Variants in UHRF2 observed in about 807,000 individuals in gnomAD.
The protein encoded by UHRF2 is ubiquitin like with PHD and ring finger domains 2.
Under a neutral mutation model 96.8 loss-of-function variants are expected in UHRF2, and 23 were observed. The observed-to-expected ratio is 0.24, with a 90% CI of 0.17 to 0.34. UHRF2 has a LOEUF of 0.34. Ranked by LOEUF, UHRF2 falls within the 10% of genes least tolerant of loss-of-function variation. The probability of loss-of-function intolerance (pLI) is 1.00; values close to 1 mark genes in which losing one functional copy is unlikely to be tolerated. For synonymous variants in UHRF2, 385 were observed against 332.6 expected (o/e 1.16, Z -1.72); for missense variants, 685 against 981.5 (o/e 0.70, Z 4.04).
At chr9:6,469,837 A>G (rs1382726009) in intron 4 of UHRF2, among the ~76,000 whole-genome samples, 2 of 151,702 alleles carry the variant, frequency 1.3e-5, no homozygotes, top group African/African-American at 4.8e-5. Context: ...AGAAGAGAGT[A>G]GAGTGAAAAC....
At chr9:6,495,173 C>G (rs1824890751) in intron 10 of UHRF2, 1 of 152,156 alleles carries the variant, frequency 6.6e-6, no homozygotes, top group Non-Finnish European at 1.5e-5. Context: ...TTCATAACTA[C>G]CCACCATTGT....
At chr9:6,440,419 G>C (rs7033940) in intron 3 of UHRF2, among the ~76,000 whole-genome samples, 28,414 of 152,092 alleles carry the variant, frequency 0.19, 3,189 homozygotes, top group African/African-American at 0.3. Flanking sequence ...TAAACTGTCT[G>C]ACTCAAGAGC....
intron 9 of UHRF2, among the ~76,000 whole-genome samples, chr9:6,488,504 C>A (rs1039691689): frequency 6.7e-6 from 1 of 149,664 alleles, no homozygotes; most frequent in Admixed American, 6.7e-5. Flanking sequence ...TGCTTCTTAA[C>A]CTCTGACAAC....
chr9:6,421,268 A>G (rs1439774198), intron 2 of UHRF2, 126 bp downstream of exon 2: 19 of 746,074 alleles, frequency 2.5e-5, no homozygotes, highest in Admixed American at 1.5e-4. Context: ...TAATATCATA[A>G]CTTTTAAAAG....
In UHRF2 at chr9:6,491,379, G is replaced by A. The variant is rs1413050651; in HGVS notation, c.1498-2447G>A. ...TAAATGAATTAATTATACGTAAAAT[G>A]CTTCTCCTAACACCACCTAACCCAC... On this transcript the variant is annotated intron_variant, in intron 9 of 15. Coordinates refer to ENST00000276893, the MANE Select transcript of UHRF2 (RefSeq NM_152896.3). Among the ~76,000 whole-genome samples the A allele has an allele frequency of 2.6e-5, 4 of 152,186 alleles. No homozygotes were observed. The East Asian group carries it at 7.7e-4, about 29-fold the overall frequency.
intron 3 of UHRF2, among the ~76,000 whole-genome samples, chr9:6,454,968 C>T (rs1239345691): frequency 3.3e-5 from 5 of 152,104 alleles, no homozygotes; most frequent in African/African-American, 9.7e-5. Flanking sequence ...ATTTGGATTT[C>T]CAGATGATGT....
Position 6,467,291 on chromosome 9 carries a change from G to T in UHRF2, c.863+6500G>T, listed in dbSNP as rs543512020. Among the ~76,000 whole-genome samples, 6 of 152,174 alleles carry T rather than the reference G, an allele frequency of 3.9e-5. No individual in the cohort carries two copies. In the East Asian group the frequency reaches 1.2e-3, roughly 29 times the overall value. On this transcript the variant is annotated intron_variant, in intron 4 of 15. Transcript: ENST00000276893. ...GCTTCTCTTTGACAGTTCTTTTTGT[G>T]GCTACATCCCCTTCATATTCTCTCC... is the stretch of plus-strand genomic sequence containing the variant.
chr9:6,504,751 C>G (rs2130980839), intron 15 of UHRF2, 60 bp downstream of exon 15: 4 of 1,360,550 alleles, frequency 2.9e-6, no homozygotes, highest in Non-Finnish European at 4.1e-6. Flanking sequence ...AATTTCTATA[C>G]CTGTTTTTAG....
At chr9:6,483,948 C>T (rs1440228043) in intron 8 of UHRF2, among the ~76,000 whole-genome samples, 2 of 152,212 alleles carry the variant, frequency 1.3e-5, no homozygotes, top group East Asian at 3.8e-4. Flanking sequence ...CTCAGCCTCC[C>T]AAAGTGCTGG....
At chr9:6,413,665 C>G in intron 1 of UHRF2, 22 bp downstream of exon 1, 2 of 1,551,418 alleles carry the variant, frequency 1.3e-6, no homozygotes, top group Non-Finnish European at 1.7e-6. Flanking sequence ...CCGCCGCGCC[C>G]CTAGCGAGGC....
intron 3 of UHRF2, among the ~76,000 whole-genome samples, chr9:6,459,403 T>G (rs1822387145): frequency 6.6e-6 from 1 of 152,154 alleles, no homozygotes; most frequent in South Asian, 2.1e-4. Flanking sequence ...GTGCGGTGGC[T>G]CATGCCTGTA....
At chr9:6,451,466 G>GTTTTTTTTTTTTTTTT (rs34757017) in intron 3 of UHRF2, among the ~76,000 whole-genome samples, 1 of 141,816 alleles carries the variant, frequency 7.1e-6, no homozygotes, top group African/African-American at 2.6e-5. Flanking sequence ...GTTTTTTTTT[G>GTTTTTTTTTTTTTTTT]TTTTTTTTTT....
intron 4 of UHRF2, chr9:6,468,625 T>G: frequency 2.2e-6 from 1 of 456,098 alleles, no homozygotes; most frequent in South Asian, 1.5e-5. Flanking sequence ...ATATTTGGGA[T>G]GCCTCAAGCA....
At chr9:6,501,569 G>A (rs1483928723) in intron 14 of UHRF2, among the ~76,000 whole-genome samples, 3 of 152,126 alleles carry the variant, frequency 2.0e-5, no homozygotes, top group African/African-American at 7.2e-5. Flanking sequence ...TTTTAGAAAT[G>A]CTGAAATTTA....
At position 6,493,948 on chromosome 9, in the gene UHRF2, C is replaced by G. The variant is rs1445015999; in HGVS notation, c.1604+16C>G. ...ACATGAACAGGTACTACTATAGACACTGTTTAGAATTTGAACATTGAATAA... is the reference window on the plus strand; with the variant it reads ...ACATGAACAGGTACTACTATAGACAGTGTTTAGAATTTGAACATTGAATAA... On this transcript the variant is annotated intron_variant, in intron 10 of 15. Transcript: ENST00000276893. The G allele has an allele frequency of 6.2e-7, 1 of 1,604,880 alleles. No homozygotes were observed. The highest frequency in any genetic ancestry group is 1.7e-5 in the Admixed American group (1 of 59,642).
chr9:6,466,967 C>T (rs1317378652), intron 4 of UHRF2, among the ~76,000 whole-genome samples: 1 of 152,186 alleles, frequency 6.6e-6, no homozygotes, highest in East Asian at 1.9e-4. Context: ...CTTACTCTGA[C>T]TTTTTCTGAA....
intron 1 of UHRF2, among the ~76,000 whole-genome samples, chr9:6,418,061 C>A (rs955236813): frequency 6.6e-6 from 1 of 152,102 alleles, no homozygotes; most frequent in Non-Finnish European, 1.5e-5. Flanking sequence ...TAAGCACTTT[C>A]ATTTAAAAAT....
At position 6,443,097 on chromosome 9, in the gene UHRF2, A is replaced by G. The variant is rs1299773086; in HGVS notation, c.644+8924A>G. Among the ~76,000 whole-genome samples the G allele has an allele frequency of 2.6e-5, 4 of 152,242 alleles. No individual in the cohort carries two copies. The East Asian group carries it at 7.7e-4, about 29-fold the overall frequency. ...AGTTTGAACAAGGAAGTGTCTATGT[A>G]AAGAAGGAAAATTCTTATGAAAGTT... On this transcript the variant is annotated intron_variant, in intron 3 of 15. Coordinates refer to ENST00000276893, the MANE Select transcript of UHRF2 (RefSeq NM_152896.3).
At chr9:6,451,973 T>C (rs36004565) in intron 3 of UHRF2, among the ~76,000 whole-genome samples, 1 of 152,180 alleles carries the variant, frequency 6.6e-6, no homozygotes, top group African/African-American at 2.4e-5. Flanking sequence ...AAGTGTATTG[T>C]GTATATATGC....
Sources: allele counts gnomAD v4.1 joint callset (sites outside exome capture counted in the v4.1 genomes callset), GRCh38; gene constraint gnomAD v4.1.1; transcripts MANE v1.5; gene names NCBI Gene and HGNC (gene_info 2026-07-23, HGNC 2026-07-21).